The following CADM2 variants were observed in gnomAD, a reference collection of about 807,000 sequenced individuals.
CADM2 encodes cell adhesion molecule 2.
Under a neutral mutation model 49.8 loss-of-function variants are expected in CADM2, and 12 were observed. That is an observed-to-expected ratio of 0.24 (90% confidence interval 0.15 to 0.39). CADM2 has a LOEUF of 0.39. Among genes scored for constraint, CADM2 ranks in the 10% least tolerant of loss-of-function variants. CADM2 has a pLI of 1.00. For missense variants in CADM2, 378 were observed against 492.3 expected (o/e 0.77, Z 2.20); for synonymous variants, 214 against 175.4 (o/e 1.22, Z -1.74).
intron 1 of CADM2, among the ~76,000 whole-genome samples, chr3:85,482,969 G>A (rs17515196): frequency 0.51 from 77,739 of 151,148 alleles, 22,942 homozygotes; most frequent in East Asian, 0.83. Context: ...TATTAAATCG[G>A]TCCTTTGATT....
intron 1 of CADM2, among the ~76,000 whole-genome samples, chr3:85,132,422 AGTGGCACCT>A (rs2039262644): frequency 1.3e-5 from 2 of 152,278 alleles, no homozygotes; most frequent in African/African-American, 4.8e-5. Flanking sequence ...GGCTTAATTA[AGTGGCACCT>A]GGCAGGCAAG....
intron 8 of CADM2, among the ~76,000 whole-genome samples, chr3:86,056,381 A>T (rs946225979): frequency 2.6e-5 from 4 of 152,242 alleles, no homozygotes; most frequent in Non-Finnish European, 5.9e-5. Context: ...CATTTTCCAA[A>T]AATAGAAATA....
intron 8 of CADM2, among the ~76,000 whole-genome samples, chr3:86,047,048 G>A (rs2107294672): frequency 6.6e-6 from 1 of 152,014 alleles, no homozygotes; most frequent in South Asian, 2.1e-4. Context: ...CCCTTTAGAT[G>A]TAATCTTCAG....
chr3:85,479,014 A>G (rs967458288), intron 1 of CADM2, among the ~76,000 whole-genome samples: 1 of 151,790 alleles, frequency 6.6e-6, no homozygotes, highest in Non-Finnish European at 1.5e-5. Flanking sequence ...TGTGATCATA[A>G]CTAACTGAAG....
intron 1 of CADM2, among the ~76,000 whole-genome samples, chr3:85,641,940 T>C: frequency 6.6e-6 from 1 of 151,270 alleles, no homozygotes; most frequent in East Asian, 2.0e-4. Context: ...CAAAAAAAAT[T>C]AAAAAAAAGA....
chr3:86,013,927 C>A (rs1731867038), intron 8 of CADM2: 1 of 1,586,086 alleles, frequency 6.3e-7, no homozygotes, highest in Non-Finnish European at 8.6e-7. Flanking sequence ...ACTTCCTGTG[C>A]CTTAAATATG....
chr3:85,185,414 G>A (rs1219811965), intron 1 of CADM2, among the ~76,000 whole-genome samples: 1 of 152,026 alleles, frequency 6.6e-6, no homozygotes, highest in Non-Finnish European at 1.5e-5. Flanking sequence ...ATCTAAAGCA[G>A]GAGTGAATAA....
chr3:85,610,673 T>G (rs1280631145), intron 1 of CADM2, among the ~76,000 whole-genome samples: 5 of 151,934 alleles, frequency 3.3e-5, no homozygotes, highest in Non-Finnish European at 7.4e-5. Context: ...CTCACTGTAC[T>G]GACTATGCTC....
intron 2 of CADM2, among the ~76,000 whole-genome samples, chr3:85,794,899 A>G (rs747115959): frequency 1.1e-4 from 16 of 152,120 alleles, no homozygotes; most frequent in East Asian, 1.9e-4. Context: ...TAGGTTCTCT[A>G]TATAGTAGGT....
intron 7 of CADM2, among the ~76,000 whole-genome samples, chr3:85,947,220 A>G (rs961165416): frequency 1.3e-5 from 2 of 151,490 alleles, no homozygotes; most frequent in East Asian, 1.9e-4. Context: ...GGCCATCAGA[A>G]AAATGCAAAT....
intron 1 of CADM2, among the ~76,000 whole-genome samples, chr3:85,554,880 TTA>T (rs1435222708): frequency 2.5e-5 from 1 of 39,564 alleles, no homozygotes; most frequent in South Asian, 1.0e-3. Context: ...TTTTTTATTT[TTA>T]TTTTTTTTTT....
At chr3:85,873,911 A>T (rs932329334) in intron 3 of CADM2, among the ~76,000 whole-genome samples, 9 of 152,110 alleles carry the variant, frequency 5.9e-5, no homozygotes, top group African/African-American at 2.2e-4. Flanking sequence ...ATTAGTAAGA[A>T]GTGGGGAAAC....
chr3:85,779,112 G>T (rs2070502403), intron 2 of CADM2, among the ~76,000 whole-genome samples: 1 of 151,892 alleles, frequency 6.6e-6, no homozygotes, highest in African/African-American at 2.4e-5. Context: ...TAATACTTAA[G>T]GATAATTCTA....
chr3:85,061,275 T>A (rs2107443902), intron 1 of CADM2, among the ~76,000 whole-genome samples: 1 of 152,244 alleles, frequency 6.6e-6, no homozygotes, highest in Non-Finnish European at 1.5e-5. Flanking sequence ...TCATTCACCA[T>A]TCAAGAGAGA....
chr3:85,663,571 T>C (rs1372360020), intron 1 of CADM2, among the ~76,000 whole-genome samples: 2 of 152,058 alleles, frequency 1.3e-5, no homozygotes, highest in African/African-American at 4.8e-5. Context: ...GTCTTGCTAT[T>C]ACTAGCTGTG....
intron 8 of CADM2, among the ~76,000 whole-genome samples, chr3:86,033,015 A>G (rs1320444411): frequency 2.6e-5 from 4 of 151,784 alleles, no homozygotes; most frequent in Non-Finnish European, 5.9e-5. Flanking sequence ...TCTTTCATTG[A>G]ACAATCAAAA....
intron 1 of CADM2, among the ~76,000 whole-genome samples, chr3:85,536,399 AAAAT>A (rs1437972767): frequency 1.3e-5 from 2 of 152,090 alleles, no homozygotes; most frequent in Non-Finnish European, 2.9e-5. Flanking sequence ...TTCTAAAAAA[AAAAT>A]GATGTTTATG....
At chr3:84,999,173 G>GTCATTTACTT (rs1272652379) in intron 1 of CADM2, among the ~76,000 whole-genome samples, 2 of 151,988 alleles carry the variant, frequency 1.3e-5, no homozygotes, top group Non-Finnish European at 2.9e-5. Context: ...CTTTATGTAG[G>GTCATTTACTT]GAATATAGTC....
chr3:85,471,195 C>T (rs116491904), intron 1 of CADM2, among the ~76,000 whole-genome samples: 130 of 152,190 alleles, frequency 8.5e-4, no homozygotes, highest in African/African-American at 3.1e-3. Context: ...CTCAGGGATC[C>T]AGGTTTCATC....
Sources: gnomAD v4.1 joint callset for allele counts (sites outside exome capture counted in the v4.1 genomes callset) on GRCh38, gnomAD v4.1.1 for gene constraint, MANE v1.5 for transcripts, NCBI Gene and HGNC (gene_info 2026-07-23, HGNC 2026-07-21) for gene names.